GPR89A: variants seen among roughly 807,000 people sequenced by gnomAD.
The protein encoded by GPR89A is golgi pH regulator A.
Under a neutral mutation model 52.0 loss-of-function variants are expected in GPR89A, and 16 were observed. That is an observed-to-expected ratio of 0.31 (90% CI 0.21 to 0.47). GPR89A has a LOEUF of 0.47. Ranked by LOEUF, GPR89A falls within the 20% of genes least tolerant of loss-of-function variation. The probability of loss-of-function intolerance (pLI) is 1.00; values close to 1 mark genes in which losing one functional copy is unlikely to be tolerated. For missense variants in GPR89A, 135 were observed against 449.4 expected (o/e 0.30, Z 6.33); for synonymous variants, 55 against 150.9 (o/e 0.36, Z 4.66).
chr1:145,636,605 G>A (rs1650255932), intron 7 of GPR89A, among the ~76,000 whole-genome samples: 2 of 151,996 alleles, frequency 1.3e-5, no homozygotes, highest in South Asian at 4.2e-4. Flanking sequence ...TGTAGAGATA[G>A]GAGGAAGAAA....
At chr1:145,619,803 C>G (rs1238799482) in intron 3 of GPR89A, among the ~76,000 whole-genome samples, 6 of 152,186 alleles carry the variant, frequency 3.9e-5, no homozygotes, top group Non-Finnish European at 8.8e-5. Flanking sequence ...ATCACGAGGT[C>G]AGGAGATCAA....
At chr1:145,646,856 G>A in intron 9 of GPR89A, 1 of 341,698 alleles carries the variant, frequency 2.9e-6, no homozygotes, top group Non-Finnish European at 5.5e-6. Context: ...CTACTCACCA[G>A]CTGTGTGACT....
rs1286496555 is a variant in GPR89A at position 145,623,134 on chromosome 1, A to G, written c.287A>G (p.Tyr96Cys). Reference protein sequence around the residue: ...LVFMVPFYIGYFIVSNIRLLH... With the variant: ...LVFMVPFYIGCFIVSNIRLLH... ...TTCATGGTGCCTTTTTACATTGGCT[A>G]TTTTATTGTGAGCAATATCCGACTA... Residue 96 changes from tyrosine (Y) to cysteine (C), a missense_variant, in exon 4 of 14, where the codon TAT (tyrosine) becomes TGT (cysteine). Physicochemically the swap from Tyr to Cys is radical, Grantham distance 194. Around this residue, in one of 10 missense-constraint regions of GPR89A, gnomAD observed 15 missense variants for 41.0 expected, o/e 0.37. Coordinates refer to ENST00000313835, the MANE Select transcript of GPR89A (RefSeq NM_001097612.2). 6.2e-6 allele frequency: 10 copies of G among 1,612,904 alleles called. No homozygotes were observed. Among genetic ancestry groups the G allele is most frequent in the African/African-American group, 2.7e-5 (2 of 74,764 alleles).
At chr1:145,669,812 G>A (rs1553697170) in intron 13 of GPR89A, 22 bp from the exon 14 acceptor site, 1 of 1,315,882 alleles carries the variant, frequency 7.6e-7, no homozygotes, top group Non-Finnish European at 1.1e-6. Context: ...GTCACTTCTG[G>A]ATTAATTCAT....
intron 1 of GPR89A, among the ~76,000 whole-genome samples, chr1:145,613,414 G>A (rs187458972): frequency 1.1e-4 from 17 of 152,098 alleles, no homozygotes; most frequent in Admixed American, 1.1e-3. Context: ...TTTCTATAAT[G>A]TTTCTCTTTC....
At chr1:145,668,071 T>C (rs1553696779) in intron 12 of GPR89A, among the ~76,000 whole-genome samples, 2 of 152,192 alleles carry the variant, frequency 1.3e-5, no homozygotes, top group South Asian at 4.1e-4. Context: ...TTTGGTTCCA[T>C]ATGAACTTTA....
chr1:145,611,170 G>A (rs1553686049), intron 1 of GPR89A, among the ~76,000 whole-genome samples: 1 of 147,562 alleles, frequency 6.8e-6, no homozygotes, highest in Non-Finnish European at 1.5e-5. Flanking sequence ...TTGTGTGTGT[G>A]TGTGTGTGTG....
chr1:145,665,791 G>T, intron 12 of GPR89A, 140 bp downstream of exon 12: 4 of 503,926 alleles, frequency 7.9e-6, no homozygotes. Context: ...TCAGGAGATC[G>T]AGTCCATCCT....
At chr1:145,662,604 C>G (rs2624714) in intron 10 of GPR89A, among the ~76,000 whole-genome samples, 2 of 152,122 alleles carry the variant, frequency 1.3e-5, no homozygotes, top group Admixed American at 1.3e-4. Flanking sequence ...AGCCCACAGG[C>G]CAAACCTAAC....
At chr1:145,617,602 G>C (rs587758869) in intron 2 of GPR89A, among the ~76,000 whole-genome samples, 1 of 152,228 alleles carries the variant, frequency 6.6e-6, no homozygotes, top group South Asian at 2.1e-4. Flanking sequence ...ACAGGTGTAA[G>C]AAATTATAAA....
rs587734513 is a variant in GPR89A at position 145,650,452 on chromosome 1, G to A, written c.909+3185G>A. Reference sequence around the variant, plus strand: ...ATAGTGCTGCAGTGGACGTACATGTGTATGTATCTTTATAATGGAATGATT... The same window carrying A: ...ATAGTGCTGCAGTGGACGTACATGTATATGTATCTTTATAATGGAATGATT... On this transcript the variant is annotated intron_variant, in intron 10 of 13. Transcript: ENST00000313835. Among the ~76,000 whole-genome samples, 17 of 152,188 alleles carry A rather than the reference G, an allele frequency of 1.1e-4. No individual in the cohort carries two copies. In the South Asian group the frequency reaches 3.5e-3, roughly 32 times the overall value.
chr1:145,659,021 C>T (rs1652003872), intron 10 of GPR89A, among the ~76,000 whole-genome samples: 1 of 152,060 alleles, frequency 6.6e-6, no homozygotes. Flanking sequence ...AGGTGATCCA[C>T]TAGCCTCGGC....
intron 10 of GPR89A, among the ~76,000 whole-genome samples, chr1:145,656,188 C>T (rs1213921298): frequency 5.3e-5 from 8 of 152,140 alleles, no homozygotes; most frequent in African/African-American, 1.9e-4. Context: ...GTCCCGGGAA[C>T]TTGGTCGTCT....
At chr1:145,635,299 G>A (rs587650371) in intron 7 of GPR89A, among the ~76,000 whole-genome samples, 2 of 152,242 alleles carry the variant, frequency 1.3e-5, no homozygotes, top group Non-Finnish European at 2.9e-5. Flanking sequence ...CCAGCTACTC[G>A]GGAGGCTGAG....
At chr1:145,619,842 C>T (rs1415628628) in intron 3 of GPR89A, among the ~76,000 whole-genome samples, 4 of 151,980 alleles carry the variant, frequency 2.6e-5, no homozygotes, top group Non-Finnish European at 4.4e-5. Flanking sequence ...GGTGAAACCC[C>T]GTCTCTACTA....
chr1:145,650,591 C>T (rs1197039156), intron 10 of GPR89A, among the ~76,000 whole-genome samples: 1 of 151,004 alleles, frequency 6.6e-6, no homozygotes, highest in South Asian at 2.1e-4. Flanking sequence ...AGTTAATGTA[C>T]ATTCCCACCA....
chr1:145,611,873 G>C (rs1485264759), intron 1 of GPR89A, among the ~76,000 whole-genome samples: 1 of 151,352 alleles, frequency 6.6e-6, no homozygotes, highest in African/African-American at 2.4e-5. Context: ...CTCCTAATCT[G>C]TTTGACCCTT....
intron 1 of GPR89A, among the ~76,000 whole-genome samples, chr1:145,613,319 G>T (rs1240468127): frequency 6.6e-6 from 1 of 150,882 alleles, no homozygotes; most frequent in Non-Finnish European, 1.5e-5. Context: ...CTTCTAAATA[G>T]TTCTCAAATC....
rs782610030 is a variant in GPR89A at position 145,623,732 on chromosome 1, G to A, written c.415+18G>A. ...AAAACATGGTGAGTATATATAGGAG[G>A]GCAGAGGAAGTGGGGGGAGACGATT... On this transcript the variant is annotated intron_variant, in intron 5 of 13. Coordinates refer to ENST00000313835, the MANE Select transcript of GPR89A (RefSeq NM_001097612.2). 3.1e-5 allele frequency: 49 copies of A among 1,593,142 alleles called. No homozygotes were observed. Among genetic ancestry groups the A allele is most frequent in the Non-Finnish European group, 3.7e-5 (44 of 1,175,120 alleles).
Sources: allele counts gnomAD v4.1 joint callset (sites outside exome capture counted in the v4.1 genomes callset), GRCh38; gene constraint gnomAD v4.1.1; regional missense constraint gnomAD v4.1.1; transcripts MANE v1.5; gene names NCBI Gene and HGNC (gene_info 2026-07-23, HGNC 2026-07-21).